The following SCN1A variants were observed in gnomAD, a reference collection of about 807,000 sequenced individuals.
The protein encoded by SCN1A is sodium voltage-gated channel alpha subunit 1.
In SCN1A, 13 loss-of-function variants were observed where a neutral mutation model predicts 193.7. That is an observed-to-expected ratio of 0.07 (90% CI 0.04 to 0.11). The LOEUF (loss-of-function observed/expected upper bound fraction) is 0.11, where lower values mean the gene tolerates loss of function less well. Ranked by LOEUF, SCN1A falls within the 10% of genes least tolerant of loss-of-function variation. The pLI, the probability that SCN1A is intolerant of heterozygous loss-of-function variation, is 1.00. For missense variants in SCN1A, 1,432 were observed against 2,451.1 expected (o/e 0.58, Z 8.78); for synonymous variants, 781 against 843.6 (o/e 0.93, Z 1.29).
At chr2:166,031,213 T>G (rs1229550802) in intron 19 of SCN1A, among the ~76,000 whole-genome samples, 1 of 152,098 alleles carries the variant, frequency 6.6e-6, no homozygotes, top group Admixed American at 6.6e-5. Context: ...CTTAGTTTGC[T>G]CTGGAATGGA....
Position 165,992,106 on chromosome 2 carries a change from A to C in SCN1A, c.5169T>G (p.Ser1723=), listed in dbSNP as rs1168333541. ...SMICLFQITT[S]AGWDGLLAPI... is the part of the protein sequence containing the mutation. The stretch of plus-strand genomic sequence containing the variant: ...GTGCTAGCAATCCATCCCAGCCAGC[A>C]GAGGTTGTAATTTGGAATAGGCAGA... The change falls in exon 29 of 29, where the codon TCT becomes TCG. Residue 1723 remains serine, a synonymous_variant. Transcript: ENST00000674923. This position sits in a 1 kb window ranked among gnomAD's most constrained non-coding sequence, Gnocchi z 6.5. The C allele has an allele frequency of 6.2e-7, 1 of 1,613,842 alleles. No individual in the cohort carries two copies. Among genetic ancestry groups the C allele is most frequent in the African/African-American group, 1.3e-5 (1 of 74,880 alleles).
chr2:165,996,365 A>T, intron 26 of SCN1A: 1 of 341,468 alleles, frequency 2.9e-6, no homozygotes, highest in Non-Finnish European at 5.4e-6. Flanking sequence ...AATCTCAAAA[A>T]GGTTAAGTAT....
intron 4 of SCN1A, among the ~76,000 whole-genome samples, chr2:166,063,025 A>G (rs1287937297): frequency 6.6e-6 from 1 of 152,116 alleles, no homozygotes; most frequent in East Asian, 1.9e-4. Flanking sequence ...TCATAGGAAC[A>G]TTGACATGAC....
At chr2:166,093,380 C>T (rs566470528) in intron 2 of SCN1A, among the ~76,000 whole-genome samples, 2 of 151,996 alleles carry the variant, frequency 1.3e-5, no homozygotes, top group East Asian at 3.9e-4. Flanking sequence ...ACTCTGTCGC[C>T]CAGGCTGGAG....
intron 25 of SCN1A, 53 bp downstream of exon 25, chr2:165,999,669 AT>A (rs1690557124): frequency 7.9e-7 from 1 of 1,263,248 alleles, no homozygotes; most frequent in Non-Finnish European, 1.2e-6. Context: ...TATTCGATTA[AT>A]TTTACCACCT....
chr2:166,123,918 C>T (rs919774781), intron 2 of SCN1A, among the ~76,000 whole-genome samples: 14 of 152,168 alleles, frequency 9.2e-5, no homozygotes, highest in Non-Finnish European at 2.1e-4. Context: ...TGCCACTCTT[C>T]ATACCTGTGA....
chr2:166,114,136 A>T (rs986801011), intron 2 of SCN1A, among the ~76,000 whole-genome samples: 1 of 152,180 alleles, frequency 6.6e-6, no homozygotes, highest in Non-Finnish European at 1.5e-5. Flanking sequence ...TAAATTTCTT[A>T]AAAAGTTTGT....
intron 2 of SCN1A, among the ~76,000 whole-genome samples, chr2:166,110,824 G>A (rs938679793): frequency 4.6e-5 from 7 of 152,156 alleles, no homozygotes; most frequent in African/African-American, 2.4e-5. Flanking sequence ...AATCATGGGG[G>A]CAGGTCCTTC....
At chr2:166,065,503 T>A (rs1683747398) in intron 4 of SCN1A, among the ~76,000 whole-genome samples, 1 of 152,178 alleles carries the variant, frequency 6.6e-6, no homozygotes, top group East Asian at 1.9e-4. Context: ...GCCTGTGAGT[T>A]CAAGCCAAGC....
chr2:166,144,020 C>G (rs1310895142), intron 1 of SCN1A, among the ~76,000 whole-genome samples: 2 of 152,152 alleles, frequency 1.3e-5, no homozygotes, highest in Non-Finnish European at 2.9e-5. Context: ...GAGATTTTCT[C>G]AAGTGAAATA....
intron 28 of SCN1A, 86 bp downstream of exon 28, chr2:165,994,056 CTGAT>C: frequency 4.7e-6 from 5 of 1,066,742 alleles, no homozygotes; most frequent in Non-Finnish European, 6.9e-6. Context: ...GTGATTATCT[CTGAT>C]TGCTGGGATG....
At chr2:166,049,505 C>A (rs1419955636) in intron 9 of SCN1A, among the ~76,000 whole-genome samples, 1 of 151,858 alleles carries the variant, frequency 6.6e-6, no homozygotes, top group Non-Finnish European at 1.5e-5. Flanking sequence ...GTAAAATATG[C>A]ATAAATCATA....
chr2:166,071,907 A>AT (rs1225048186), intron 4 of SCN1A: 1 of 151,754 alleles, frequency 6.6e-6, no homozygotes, highest in Non-Finnish European at 1.5e-5. Flanking sequence ...AAAAAAAAAA[A>AT]GGGAAAATAT....
At chr2:166,130,510 G>T (rs1337782690), upstream of SCN1A, among the ~76,000 whole-genome samples, 1 of 152,096 alleles carries the variant, frequency 6.6e-6, no homozygotes, top group Non-Finnish European at 1.5e-5. Context: ...TAGCAAATTC[G>T]GCGGATATTT....
chr2:166,143,707 A>G (rs1692189955), intron 1 of SCN1A, among the ~76,000 whole-genome samples: 1 of 152,238 alleles, frequency 6.6e-6, no homozygotes, highest in Non-Finnish European at 1.5e-5. Flanking sequence ...AGTCTGAGGA[A>G]TCATCTAATT....
intron 23 of SCN1A, among the ~76,000 whole-genome samples, chr2:166,003,918 C>T (rs967813575): frequency 1.3e-5 from 2 of 151,244 alleles, no homozygotes; most frequent in South Asian, 2.1e-4. Flanking sequence ...ACTTCTGATC[C>T]CTGTTTAAAG....
intron 4 of SCN1A, among the ~76,000 whole-genome samples, chr2:166,070,468 T>C (rs1041083118): frequency 6.6e-6 from 1 of 152,188 alleles, no homozygotes; most frequent in Non-Finnish European, 1.5e-5. Context: ...CCTCATACCA[T>C]GTGCATTTGA....
chr2:166,066,363 G>A (rs1683841929), intron 4 of SCN1A, among the ~76,000 whole-genome samples: 1 of 152,138 alleles, frequency 6.6e-6, no homozygotes, highest in Admixed American at 6.5e-5. Flanking sequence ...CAAGCTTGCT[G>A]TGTGAGAACT....
intron 2 of SCN1A, among the ~76,000 whole-genome samples, chr2:166,105,743 A>G (rs970894134): frequency 6.6e-6 from 1 of 152,242 alleles, no homozygotes; most frequent in African/African-American, 2.4e-5. Context: ...GCCCATGAGA[A>G]GATGACATAA....
Sources: allele counts gnomAD v4.1 joint callset (sites outside exome capture counted in the v4.1 genomes callset), GRCh38; gene constraint gnomAD v4.1.1; non-coding constraint Gnocchi (gnomAD v3.1); transcripts MANE v1.5; gene names NCBI Gene and HGNC (gene_info 2026-07-23, HGNC 2026-07-21).